The following CNR2 variants were observed in gnomAD, a reference collection of about 807,000 sequenced individuals.
CNR2 encodes cannabinoid receptor 2 (macrophage).
For synonymous variants in CNR2, 172 were observed against 182.2 expected, an observed-to-expected ratio of 0.94 and a Z score of 0.45; for missense variants, 379 against 439.9, an observed-to-expected ratio of 0.86 and a Z score of 1.24.
rs34781596 is a variant in CNR2, at chr1:23,871,154, C to CAAAAAAAAAA, written c.*3371_*3380dup. 5 of 58,792 alleles carry CAAAAAAAAAA rather than the reference C, an allele frequency of 8.5e-5. No individual in the cohort carries two copies. Among genetic ancestry groups the CAAAAAAAAAA allele is most frequent in the Non-Finnish European group, 9.0e-5 (3 of 33,494 alleles). 3.6% of individuals were successfully genotyped at this position (58,792 alleles called of 1,614,324 possible). ...TGGGTGACAGAGTGAGATTCTATGTCAAAAAAAAAAAAAAAAAAAAAAAAA... is the reference window on the plus strand; with the variant it reads ...TGGGTGACAGAGTGAGATTCTATGTCAAAAAAAAAAAAAAAAAAAAAAAAAAAAAAAAAAA... On this transcript the variant is annotated 3_prime_UTR_variant, in exon 2 of 2. Coordinates refer to ENST00000374472, the MANE Select transcript of CNR2 (RefSeq NM_001841.3).
chr1:23,883,366 G>C (rs1432688940), intron 1 of CNR2, among the ~76,000 whole-genome samples: 1 of 152,228 alleles, frequency 6.6e-6, no homozygotes, highest in Non-Finnish European at 1.5e-5. Context: ...AACTCCTGCA[G>C]GTGCGTCCAG....
intron 1 of CNR2, among the ~76,000 whole-genome samples, chr1:23,877,073 A>G (rs1639896941): frequency 6.6e-6 from 1 of 152,222 alleles, no homozygotes; most frequent in South Asian, 2.1e-4. Flanking sequence ...ATAAGGAAAC[A>G]TGAGCAAGAG....
At chr1:23,881,171 G>A (rs1456521671) in intron 1 of CNR2, among the ~76,000 whole-genome samples, 1 of 151,824 alleles carries the variant, frequency 6.6e-6, no homozygotes, top group African/African-American at 2.4e-5. Context: ...AGCTACTCGG[G>A]AGGCTGAGGC....
At chr1:23,883,717 T>C (rs7535720) in intron 1 of CNR2, among the ~76,000 whole-genome samples, 110,325 of 151,820 alleles carry the variant, frequency 0.73, 40,855 homozygotes, top group Middle Eastern at 0.79. Flanking sequence ...CCCACCTACT[T>C]GGGAGGCTGA....
intron 1 of CNR2, among the ~76,000 whole-genome samples, chr1:23,883,818 C>T (rs1203226308): frequency 6.6e-6 from 1 of 152,004 alleles, no homozygotes; most frequent in Non-Finnish European, 1.5e-5. Flanking sequence ...GAGCAAGACT[C>T]CATCTCCAAA....
chr1:23,903,669 G>T (rs1640440717), intron 1 of CNR2, among the ~76,000 whole-genome samples: 1 of 152,014 alleles, frequency 6.6e-6, no homozygotes, highest in Admixed American at 6.6e-5. Flanking sequence ...CATAGTATCT[G>T]TGAAACAGCC....
chr1:23,908,981 C>G (rs2148472224), intron 1 of CNR2, among the ~76,000 whole-genome samples: 1 of 152,024 alleles, frequency 6.6e-6, no homozygotes, highest in East Asian at 1.9e-4. Flanking sequence ...ACTGTATGAG[C>G]AGGAGATCAG....
chr1:23,908,963 T>A (rs1248402510), intron 1 of CNR2, among the ~76,000 whole-genome samples: 1 of 152,072 alleles, frequency 6.6e-6, no homozygotes, highest in Non-Finnish European at 1.5e-5. Context: ...AAAAGCTGCC[T>A]TTGACTCACT....
At chr1:23,879,236 G>A (rs1639938580) in intron 1 of CNR2, among the ~76,000 whole-genome samples, 1 of 152,150 alleles carries the variant, frequency 6.6e-6, no homozygotes, top group Non-Finnish European at 1.5e-5. Flanking sequence ...AGAGGTTGCA[G>A]TGAGCCGAGA....
At chr1:23,876,922 C>T (rs947956137) in intron 1 of CNR2, among the ~76,000 whole-genome samples, 3 of 151,370 alleles carry the variant, frequency 2.0e-5, no homozygotes, top group African/African-American at 7.3e-5. Flanking sequence ...CCCTCAGGAA[C>T]CTAGATATTG....
intron 1 of CNR2, among the ~76,000 whole-genome samples, chr1:23,893,935 G>A (rs1301573728): frequency 1.3e-5 from 2 of 151,638 alleles, no homozygotes; most frequent in African/African-American, 4.8e-5. Context: ...ACCAGCCCGG[G>A]TAACATGAAA....
At chr1:23,887,020 C>T (rs967695433) in intron 1 of CNR2, among the ~76,000 whole-genome samples, 1 of 152,226 alleles carries the variant, frequency 6.6e-6, no homozygotes, top group African/African-American at 2.4e-5. Flanking sequence ...ATTCTCCTGC[C>T]TCAGCCTCCC....
intron 1 of CNR2, among the ~76,000 whole-genome samples, chr1:23,887,225 C>G (rs1304940605): frequency 6.6e-6 from 1 of 152,202 alleles, no homozygotes; most frequent in Non-Finnish European, 1.5e-5. Flanking sequence ...ACAGTGCAAG[C>G]CTTTCTCAGC....
At chr1:23,889,876 T>G (rs1640155164) in intron 1 of CNR2, among the ~76,000 whole-genome samples, 1 of 152,202 alleles carries the variant, frequency 6.6e-6, no homozygotes, top group Non-Finnish European at 1.5e-5. Flanking sequence ...TTATACAGAT[T>G]AATGATACAA....
chr1:23,912,956 C>T (rs948855913), intron 1 of CNR2, among the ~76,000 whole-genome samples: 4 of 152,282 alleles, frequency 2.6e-5, no homozygotes, highest in East Asian at 1.9e-4. Context: ...CACCTGAAGT[C>T]GGGAGTTCGA....
At chr1:23,884,415 C>T (rs1429530774) in intron 1 of CNR2, among the ~76,000 whole-genome samples, 3 of 41,832 alleles carry the variant, frequency 7.2e-5, no homozygotes, top group Non-Finnish European at 1.8e-4. Flanking sequence ...AACCGATTCT[C>T]ATGCCTCAGC....
chr1:23,878,672 C>G (rs1400921315), intron 1 of CNR2, among the ~76,000 whole-genome samples: 2 of 152,172 alleles, frequency 1.3e-5, no homozygotes, highest in Non-Finnish European at 2.9e-5. Flanking sequence ...AGCCACCACA[C>G]CCAGCCCCAA....
At chr1:23,902,513 T>A (rs1371960679) in intron 1 of CNR2, 16 of 1,608,522 alleles carry the variant, frequency 9.9e-6, no homozygotes, top group Non-Finnish European at 1.3e-5. Flanking sequence ...ACACGTACTT[T>A]AATAGGATCA....
At chr1:23,910,225 T>C (rs1275251147) in intron 1 of CNR2, among the ~76,000 whole-genome samples, 1 of 146,244 alleles carries the variant, frequency 6.8e-6, no homozygotes, top group Non-Finnish European at 1.5e-5. Context: ...CCTCCCAAAG[T>C]GCCAAGCTTA....
Sources: allele counts gnomAD v4.1 joint callset (sites outside exome capture counted in the v4.1 genomes callset), GRCh38; gene constraint gnomAD v4.1.1; transcripts MANE v1.5; gene names NCBI Gene and HGNC (gene_info 2026-07-23, HGNC 2026-07-21).